The following HIVEP3 variants were observed in gnomAD, a reference collection of about 807,000 sequenced individuals.
The protein encoded by HIVEP3 is HIVEP zinc finger 3.
In HIVEP3, 49 loss-of-function variants were observed where a neutral mutation model predicts 152.8. The observed-to-expected ratio is 0.32, with a 90% CI of 0.26 to 0.41. The LOEUF is 0.41. Among genes scored for constraint, HIVEP3 ranks in the 10% least tolerant of loss-of-function variants. The probability of loss-of-function intolerance (pLI) is 1.00; values close to 1 mark genes in which losing one functional copy is unlikely to be tolerated. For missense variants in HIVEP3, 2,790 were observed against 3,103.3 expected, an observed-to-expected ratio of 0.90 and a Z score of 2.40; for synonymous variants, 1,269 against 1,289.0, an observed-to-expected ratio of 0.98 and a Z score of 0.33.
intron 2 of HIVEP3, among the ~76,000 whole-genome samples, chr1:41,687,723 C>T (rs1646135092): frequency 6.6e-6 from 1 of 152,194 alleles, no homozygotes; most frequent in Non-Finnish European, 1.5e-5. Context: ...CTCCATGCTC[C>T]CTCACCCTGC....
chr1:41,799,179 G>A (rs952724260), intron 1 of HIVEP3, among the ~76,000 whole-genome samples: 5 of 152,072 alleles, frequency 3.3e-5, no homozygotes, highest in Admixed American at 2.6e-4. Flanking sequence ...TGCCTCTCAG[G>A]CCACTAGGTT....
In HIVEP3 at chr1:41,819,482, T is replaced by C. The variant is rs79066761; in HGVS notation, c.-801+98931A>G. ...TTTTGTTCTTTTTCTTACTTCTTGA[T>C]TTGAGTTCTTCTTTACCAATATAAA... On this transcript the variant is annotated intron_variant, in intron 1 of 8. Transcript: ENST00000372583. Among the ~76,000 whole-genome samples, 841 of 152,314 alleles carry C rather than the reference T, an allele frequency of 5.5e-3. 5 individuals are homozygous for C. Among genetic ancestry groups the C allele is most frequent in the African/African-American group, 0.019 (780 of 41,590 alleles).
At chr1:41,628,635 T>C (rs1645150760) in intron 3 of HIVEP3, 114 bp downstream of exon 3, 1 of 851,368 alleles carries the variant, frequency 1.2e-6, no homozygotes, top group Non-Finnish European at 1.6e-6. Context: ...AAGGCAACGA[T>C]AACACTAATA....
chr1:41,512,109 A>C (rs1642441386), intron 8 of HIVEP3, among the ~76,000 whole-genome samples: 1 of 151,926 alleles, frequency 6.6e-6, no homozygotes, highest in African/African-American at 2.4e-5. Flanking sequence ...TTGCACGAGT[A>C]TTTACAACCT....
At chr1:41,678,531 C>T (rs1262086633) in intron 2 of HIVEP3, among the ~76,000 whole-genome samples, 1 of 152,020 alleles carries the variant, frequency 6.6e-6, no homozygotes, top group African/African-American at 2.4e-5. Context: ...TGGCCTCCGG[C>T]TCGCGCTCCT....
intron 2 of HIVEP3, among the ~76,000 whole-genome samples, chr1:41,637,042 G>A (rs534902935): frequency 1.6e-4 from 25 of 152,260 alleles, no homozygotes; most frequent in African/African-American, 6.0e-4. Context: ...TCAAGTGGTG[G>A]AGGGAGGAGT....
At chr1:41,615,280 C>G (rs769175287) in intron 3 of HIVEP3, among the ~76,000 whole-genome samples, 4 of 152,140 alleles carry the variant, frequency 2.6e-5, no homozygotes, top group Non-Finnish European at 5.9e-5. Flanking sequence ...CATGTTCTCC[C>G]AAAATCAGCT....
chr1:41,878,709 C>T (rs1006765916), intron 1 of HIVEP3, among the ~76,000 whole-genome samples: 2 of 143,870 alleles, frequency 1.4e-5, no homozygotes, highest in African/African-American at 5.2e-5. Context: ...CCCTCTCTTT[C>T]TAACTCCCTC....
rs114218927 is a variant in HIVEP3, at chr1:41,905,866, A to G, written c.-801+12547T>C. Among the ~76,000 whole-genome samples the G allele has an allele frequency of 9.5e-3, 1,442 of 152,318 alleles. 19 individuals carry two copies. The highest frequency in any genetic ancestry group is 0.033 in the African/African-American group (1,382 of 41,564). On this transcript the variant is annotated intron_variant, in intron 1 of 8. Coordinates refer to ENST00000372583, the MANE Select transcript of HIVEP3 (RefSeq NM_024503.5). ...CCCACCTGGTGACAGGCTAGCAGGC[A>G]CAAGGATAGACAGAATGTGCACCTG...
At chr1:41,785,391 T>C (rs1191605988) in intron 1 of HIVEP3, among the ~76,000 whole-genome samples, 2 of 152,202 alleles carry the variant, frequency 1.3e-5, no homozygotes, top group Non-Finnish European at 2.9e-5. Context: ...TAAATCCACT[T>C]ACAGGGATTT....
At chr1:41,516,181 G>GGCGGCCCCTTCCGAGGGCCCTTGCAGGA (rs11270500) in intron 7 of HIVEP3, among the ~76,000 whole-genome samples, 2 of 151,538 alleles carry the variant, frequency 1.3e-5, no homozygotes, top group African/African-American at 4.9e-5. Context: ...CCCCTGGCTG[G>GGCGGCCCCTTCCGAGGGCCCTTGCAGGA]GCGGCCCCGC....
chr1:41,975,690 A>G (rs1221172400), intron 1 of HIVEP3, among the ~76,000 whole-genome samples: 3 of 152,266 alleles, frequency 2.0e-5, no homozygotes, highest in Admixed American at 6.5e-5. Context: ...AAAAGAAAGC[A>G]TAATGCCAAG....
intron 1 of HIVEP3, among the ~76,000 whole-genome samples, chr1:42,006,677 CAT>C (rs1399054387): frequency 6.6e-6 from 1 of 151,888 alleles, no homozygotes; most frequent in East Asian, 1.9e-4. Flanking sequence ...TCTGCCCCTG[CAT>C]TAAGTTTGTT....
chr1:41,892,031 T>C lies in HIVEP3; in HGVS notation c.-801+26382A>G, dbSNP rs550929949. On this transcript the variant is annotated intron_variant, in intron 1 of 8. Transcript: ENST00000372583. ...ATATCACCTTTCTATTGAAAAGAAA[T>C]AGAGTACCCTAGGAAAATAGCTTGC... Among the ~76,000 whole-genome samples, 276 of 152,278 alleles carry C rather than the reference T, an allele frequency of 1.8e-3. 2 individuals carry two copies. The highest frequency in any genetic ancestry group is 2.1e-3 in the East Asian group (11 of 5,176).
chr1:42,015,291 T>C (rs1645515535), intron 1 of HIVEP3, among the ~76,000 whole-genome samples: 1 of 152,192 alleles, frequency 6.6e-6, no homozygotes, highest in Non-Finnish European at 1.5e-5. Flanking sequence ...ACTAATTCCA[T>C]GCAATTCAAG....
At chr1:41,975,912 T>G (rs979181028) in intron 1 of HIVEP3, among the ~76,000 whole-genome samples, 1 of 152,092 alleles carries the variant, frequency 6.6e-6, no homozygotes, top group Non-Finnish European at 1.5e-5. Context: ...TGTTCAGAGA[T>G]CAAGGGCCCT....
chr1:41,994,290 A>T (rs2124519445), intron 1 of HIVEP3, among the ~76,000 whole-genome samples: 1 of 151,640 alleles, frequency 6.6e-6, no homozygotes. Flanking sequence ...ATACCCGAGC[A>T]GCCTAGGAAA....
chr1:41,624,134 A>G (rs1350117089), intron 3 of HIVEP3, among the ~76,000 whole-genome samples: 1 of 152,096 alleles, frequency 6.6e-6, no homozygotes, highest in East Asian at 1.9e-4. Context: ...CACTCTCCAC[A>G]GCATCACCTC....
At chr1:41,967,607 A>C (rs1645206434) in intron 1 of HIVEP3, among the ~76,000 whole-genome samples, 1 of 152,246 alleles carries the variant, frequency 6.6e-6, no homozygotes, top group Admixed American at 6.5e-5. Flanking sequence ...AAGATCTCAA[A>C]TCAACATCCT....
Sources: gnomAD v4.1 joint callset for allele counts (sites outside exome capture counted in the v4.1 genomes callset) on GRCh38, gnomAD v4.1.1 for gene constraint, MANE v1.5 for transcripts, NCBI Gene and HGNC (gene_info 2026-07-23, HGNC 2026-07-21) for gene names.